The following RHOBTB1 variants were observed in gnomAD, a reference collection of about 807,000 sequenced individuals.
The protein encoded by RHOBTB1 is rho-related BTB domain-containing protein 1.
In RHOBTB1, 40 loss-of-function variants were observed where a neutral mutation model predicts 71.6. The ratio of observed to expected loss-of-function variants is 0.56; its 90% CI spans 0.43 to 0.73. The LOEUF (loss-of-function observed/expected upper bound fraction) is 0.73. Ranked by LOEUF, RHOBTB1 falls within the 30% of genes least tolerant of loss-of-function variation. The pLI, the probability that RHOBTB1 is intolerant of heterozygous loss-of-function variation, is 0.00. For missense variants in RHOBTB1, 797 were observed against 894.0 expected, an observed-to-expected ratio of 0.89 and a Z score of 1.38; for synonymous variants, 319 against 334.9, an observed-to-expected ratio of 0.95 and a Z score of 0.52.
chr10:60,880,290 T>C (rs2081271475), intron 7 of RHOBTB1, among the ~76,000 whole-genome samples: 3 of 151,792 alleles, frequency 2.0e-5, no homozygotes, highest in African/African-American at 2.4e-5. Context: ...AGAGTGTATG[T>C]ATGTATAATG....
chr10:60,894,464 G>T lies in RHOBTB1; in HGVS notation c.297-1469C>A, dbSNP rs370386526. Among the ~76,000 whole-genome samples the T allele has an allele frequency of 7.2e-5, 11 of 152,140 alleles. No homozygotes were observed. The East Asian group carries it at 1.2e-3, about 16-fold the overall frequency. On this transcript the variant is annotated intron_variant, in intron 4 of 10. Transcript: ENST00000337910. ...ATATGCATAAATATATAAATGAAAA[G>T]GAAACATGTCTTGTCTTTGGGATTC...
chr10:60,880,446 C>T (rs1028979990), intron 7 of RHOBTB1, among the ~76,000 whole-genome samples: 17 of 151,898 alleles, frequency 1.1e-4, no homozygotes, highest in African/African-American at 4.1e-4. Context: ...ATAGGTAGAC[C>T]CATCCCTTAA....
chr10:60,970,373 G>T (rs1488401930), intron 2 of RHOBTB1, among the ~76,000 whole-genome samples: 1 of 152,022 alleles, frequency 6.6e-6, no homozygotes, highest in East Asian at 1.9e-4. Flanking sequence ...ATTCCACCCA[G>T]AAGTCATGTA....
intron 2 of RHOBTB1, among the ~76,000 whole-genome samples, chr10:60,960,049 T>G (rs770661815): frequency 6.6e-6 from 1 of 152,166 alleles, no homozygotes; most frequent in Non-Finnish European, 1.5e-5. Flanking sequence ...TTGGTAGGTG[T>G]TGTAGAAAGC....
Position 60,888,790 on chromosome 10 carries a change from T to A in RHOBTB1, c.878A>T (p.Tyr293Phe). The A allele has an allele frequency of 6.2e-7, 1 of 1,614,174 alleles. No individual in the cohort carries two copies. Residue 293 changes from tyrosine (Y) to phenylalanine (F), a missense_variant, in exon 6 of 11, where the codon TAT becomes TTT. Physicochemically the swap from Tyr to Phe is conservative, Grantham distance 22. Around this residue, in one of 2 missense-constraint regions of RHOBTB1, gnomAD observed 658 missense variants for 681.5 expected, o/e 0.97. Coordinates refer to ENST00000337910, the MANE Select transcript of RHOBTB1 (RefSeq NM_014836.5). ...TTCACATTCCATTAAAAACAGATCA[T>A]AAAATTTGGAAGAAGAGGTAGCGAG... ...IYLATSSSKF[Y>F]DLFLMECEES... is the part of the protein sequence containing the mutation.
intron 7 of RHOBTB1, among the ~76,000 whole-genome samples, chr10:60,879,177 G>C (rs1408484928): frequency 2.6e-5 from 4 of 152,124 alleles, no homozygotes; most frequent in Non-Finnish European, 5.9e-5. Context: ...TAAACCCAGG[G>C]AGTATGATGC....
At chr10:61,000,669 A>AT (rs755088595) in intron 1 of RHOBTB1, among the ~76,000 whole-genome samples, 506 of 151,448 alleles carry the variant, frequency 3.3e-3, no homozygotes, top group Middle Eastern at 6.8e-3. Flanking sequence ...GTATATCTTC[A>AT]TTTTTTTTTA....
At chr10:60,962,216 T>G (rs1036674228) in intron 2 of RHOBTB1, among the ~76,000 whole-genome samples, 4 of 152,130 alleles carry the variant, frequency 2.6e-5, no homozygotes, top group Admixed American at 6.6e-5. Context: ...ATTATAAAGT[T>G]TATATGCAGC....
intron 7 of RHOBTB1, among the ~76,000 whole-genome samples, chr10:60,882,770 C>T (rs993668418): frequency 1.3e-5 from 2 of 152,134 alleles, no homozygotes; most frequent in Admixed American, 1.3e-4. Flanking sequence ...ACAACTATAA[C>T]CACCTGTATT....
intron 8 of RHOBTB1, among the ~76,000 whole-genome samples, chr10:60,877,512 G>C (rs1247776551): frequency 6.6e-6 from 1 of 152,216 alleles, no homozygotes; most frequent in Non-Finnish European, 1.5e-5. Flanking sequence ...TCTGTCATCT[G>C]TTTTCCTAAA....
At chr10:60,945,933 G>A (rs914809343), upstream of RHOBTB1, among the ~76,000 whole-genome samples, 2 of 152,052 alleles carry the variant, frequency 1.3e-5, no homozygotes, top group Admixed American at 6.5e-5. Context: ...TAATCCTAGC[G>A]CTTTGGGAGG....
chr10:60,899,687 T>C (rs1224118856), intron 4 of RHOBTB1, among the ~76,000 whole-genome samples: 1 of 152,208 alleles, frequency 6.6e-6, no homozygotes, highest in Admixed American at 6.5e-5. Context: ...GAACCTACTG[T>C]GTACCAGGCA....
intron 2 of RHOBTB1, among the ~76,000 whole-genome samples, chr10:60,973,494 T>A (rs189072135): frequency 7.2e-5 from 11 of 152,176 alleles, no homozygotes; most frequent in Admixed American, 1.3e-4. Flanking sequence ...GAAGGAATTC[T>A]GAAAAAAGTA....
intron 2 of RHOBTB1, among the ~76,000 whole-genome samples, chr10:60,953,838 C>T (rs945775041): frequency 6.6e-6 from 1 of 151,928 alleles, no homozygotes. Flanking sequence ...ACATGAAAAA[C>T]CCTTTGAAAT....
Position 60,872,174 on chromosome 10 carries a change from C to A in RHOBTB1, c.1921+11G>T, listed in dbSNP as rs1267035130. 6.3e-7 allele frequency: 1 copy of A among 1,591,226 alleles called. No homozygotes were observed. Among genetic ancestry groups the A allele is most frequent in the Admixed American group, 1.7e-5 (1 of 59,996 alleles). On this transcript the variant is annotated intron_variant, in intron 10 of 10. Transcript: ENST00000337910. ...GAGAGCTGGATGAATGGGGGCCTCACACAGTCTCACCTGCAGATTTTGATT... is the reference window on the plus strand; with the variant it reads ...GAGAGCTGGATGAATGGGGGCCTCAAACAGTCTCACCTGCAGATTTTGATT...
At chr10:60,917,268 C>G (rs1367565487) in intron 2 of RHOBTB1, among the ~76,000 whole-genome samples, 1 of 152,152 alleles carries the variant, frequency 6.6e-6, no homozygotes, top group Admixed American at 6.5e-5. Context: ...TCCTCCATTC[C>G]TTGTCTGCCT....
At chr10:60,963,719 C>T (rs994472035) in intron 2 of RHOBTB1, among the ~76,000 whole-genome samples, 2 of 152,150 alleles carry the variant, frequency 1.3e-5, no homozygotes, top group Non-Finnish European at 2.9e-5. Context: ...CTAAAATTCA[C>T]AAGTTGGATA....
intron 2 of RHOBTB1, among the ~76,000 whole-genome samples, chr10:60,936,575 A>G (rs2084595559): frequency 6.6e-6 from 1 of 152,226 alleles, no homozygotes; most frequent in African/African-American, 2.4e-5. Flanking sequence ...GTTATGGCCT[A>G]TTAAGCATGA....
chr10:60,936,358 G>A (rs1355087421), intron 2 of RHOBTB1, among the ~76,000 whole-genome samples: 2 of 152,156 alleles, frequency 1.3e-5, no homozygotes, highest in East Asian at 3.8e-4. Context: ...GTATTATAGA[G>A]TTTATTATTA....
Sources: gnomAD v4.1 joint callset for allele counts (sites outside exome capture counted in the v4.1 genomes callset) on GRCh38, gnomAD v4.1.1 for gene constraint, gnomAD v4.1.1 regional missense constraint, MANE v1.5 for transcripts, NCBI Gene and HGNC (gene_info 2026-07-23, HGNC 2026-07-21) for gene names.